ACTR3B: variants seen among roughly 807,000 people sequenced by gnomAD.
The protein encoded by ACTR3B is actin related protein 3B, also known as actin-related protein 3B.
ACTR3B carries 8 observed loss-of-function variants against 59.0 expected under a neutral mutation model. The ratio of observed to expected loss-of-function variants is 0.14; its 90% CI spans 0.08 to 0.24. The LOEUF is 0.24. Among genes scored for constraint, ACTR3B ranks in the 10% least tolerant of loss-of-function variants. The probability of loss-of-function intolerance (pLI) is 1.00; values close to 1 mark genes in which losing one functional copy is unlikely to be tolerated. For missense variants in ACTR3B, 245 were observed against 552.3 expected, an observed-to-expected ratio of 0.44 and a Z score of 5.58; for synonymous variants, 148 against 197.9, an observed-to-expected ratio of 0.75 and a Z score of 2.12.
intron 1 of ACTR3B, among the ~76,000 whole-genome samples, chr7:152,777,477 A>G (rs1281051525): frequency 6.6e-6 from 1 of 152,150 alleles, no homozygotes; most frequent in African/African-American, 2.4e-5. Context: ...TAAGGGTAAC[A>G]TTCTATTGCT....
chr7:152,798,690 G>A (rs1171767728), intron 2 of ACTR3B, among the ~76,000 whole-genome samples: 1 of 152,132 alleles, frequency 6.6e-6, no homozygotes. Context: ...AATCCATTTT[G>A]AGTTAATTTT....
At chr7:152,848,471 A>T (rs1014138173) in intron 9 of ACTR3B, among the ~76,000 whole-genome samples, 2 of 152,216 alleles carry the variant, frequency 1.3e-5, no homozygotes, top group Non-Finnish European at 2.9e-5. Flanking sequence ...TAGCAAAAGA[A>T]CAAAAAAACA....
At chr7:152,848,815 G>A (rs142277668) in intron 9 of ACTR3B, among the ~76,000 whole-genome samples, 12 of 152,286 alleles carry the variant, frequency 7.9e-5, no homozygotes, top group African/African-American at 2.4e-4. Context: ...CCCTGTTTAC[G>A]TGATTTCCAG....
intron 2 of ACTR3B, among the ~76,000 whole-genome samples, chr7:152,796,092 G>T (rs1297884304): frequency 3.3e-5 from 5 of 152,066 alleles, no homozygotes; most frequent in Non-Finnish European, 7.4e-5. Context: ...TGATCTACCC[G>T]CCTCGACCTC....
chr7:152,852,350 T>G, intron 10 of ACTR3B, 99 bp downstream of exon 10: 1 of 1,425,460 alleles, frequency 7.0e-7, no homozygotes, highest in Non-Finnish European at 9.3e-7. Context: ...CTGGGCCGCG[T>G]AAAATAAAAA....
intron 7 of ACTR3B, among the ~76,000 whole-genome samples, chr7:152,822,362 C>T (rs1179658311): frequency 6.6e-6 from 1 of 152,206 alleles, no homozygotes; most frequent in Non-Finnish European, 1.5e-5. Context: ...CTGGGGGTCA[C>T]CTGCTGCTAT....
At chr7:152,764,500 C>T (rs558418074) in intron 1 of ACTR3B, among the ~76,000 whole-genome samples, 16 of 151,748 alleles carry the variant, frequency 1.1e-4, no homozygotes, top group Non-Finnish European at 1.9e-4. Flanking sequence ...AAAAATTAGC[C>T]GGGCACACTG....
chr7:152,794,792 A>G (rs1004380556), intron 2 of ACTR3B, among the ~76,000 whole-genome samples: 7 of 152,032 alleles, frequency 4.6e-5, no homozygotes, highest in Admixed American at 2.0e-4. Context: ...CAAGATCTCC[A>G]ATGTCCTCTT....
Position 152,759,860 on chromosome 7 carries a change from G to A in ACTR3B, c.-23G>A. 3.1e-6 allele frequency: 4 copies of A among 1,292,574 alleles called. No individual in the cohort carries two copies. The highest frequency in any genetic ancestry group is 3.9e-6 in the Non-Finnish European group (4 of 1,013,014). The allele number at this position is 1,292,574 out of a possible 1,614,324, so 80.1% of individuals were successfully genotyped here. A position where few individuals can be genotyped will look rare whatever the true frequency, so the allele number is the denominator to read the frequency against. The stretch of plus-strand genomic sequence containing the variant: ...GGGGCGCTCTCGGGCTGCCGGCGGG[G>A]CCGAGCGCCGCGCGTCCCGAGCATG... On this transcript the variant is annotated 5_prime_UTR_variant, in exon 1 of 12. Transcript: ENST00000256001.
chr7:152,842,476 C>A lies in ACTR3B; in HGVS notation c.952-9650C>A, dbSNP rs190920277. On this transcript the variant is annotated intron_variant, in intron 9 of 11. Coordinates refer to ENST00000256001, the MANE Select transcript of ACTR3B (RefSeq NM_020445.6). ...TTATTTCTGGAATTTTCCATTTAAT[C>A]TTTTCAGACTGTGGCTGACCATGGG... 6.7e-3 allele frequency among the ~76,000 whole-genome samples: 1,017 copies of A among 152,326 alleles called. 2 individuals carry two copies. Among genetic ancestry groups the A allele is most frequent in the Admixed American group, 0.012 (189 of 15,302 alleles).
chr7:152,792,321 T>C (rs2098199273), intron 2 of ACTR3B, among the ~76,000 whole-genome samples: 1 of 152,238 alleles, frequency 6.6e-6, no homozygotes, highest in Non-Finnish European at 1.5e-5. Flanking sequence ...AAAATAATTA[T>C]GATCCATATT....
chr7:152,816,546 A>G lies in ACTR3B; in HGVS notation c.498A>G (p.Ile166Met), dbSNP rs376538866. The change falls in exon 6 of 12, where the codon ATA becomes ATG. Residue 166 changes from isoleucine (I) to methionine (M), a missense_variant. Ile to Met is a conservative substitution (Grantham distance 10). Coordinates refer to ENST00000256001, the MANE Select transcript of ACTR3B (RefSeq NM_020445.6). ...RQVGERTLTGIVIDSGDGVTH... is the reference protein window; with the variant it reads ...RQVGERTLTGMVIDSGDGVTH... ...TGGGTGAACGTACGTTAACGGGGAT[A>G]GTCATTGACAGCGGAGATGGAGTCA... 7 of 1,605,230 alleles carry G rather than the reference A, an allele frequency of 4.4e-6. No homozygotes were observed. Among genetic ancestry groups the G allele is most frequent in the Non-Finnish European group, 6.0e-6 (7 of 1,175,426 alleles).
At chr7:152,809,015 G>A (rs1196984707) in intron 4 of ACTR3B, among the ~76,000 whole-genome samples, 2 of 152,110 alleles carry the variant, frequency 1.3e-5, no homozygotes, top group African/African-American at 4.8e-5. Context: ...ATCTAAAGTA[G>A]TAATCGCTAA....
chr7:152,813,236 GTTCA>G (rs1387353058), intron 4 of ACTR3B: 2 of 122,630 alleles, frequency 1.6e-5, no homozygotes, highest in Non-Finnish European at 3.4e-5. Flanking sequence ...GGGGAGCACA[GTTCA>G]TTCATAATAA....
At chr7:152,761,348 G>A (rs963266726) in intron 1 of ACTR3B, among the ~76,000 whole-genome samples, 1 of 152,104 alleles carries the variant, frequency 6.6e-6, no homozygotes, top group Admixed American at 6.6e-5. Context: ...GTGGGTGAAA[G>A]TATTTTTCAT....
intron 2 of ACTR3B, among the ~76,000 whole-genome samples, chr7:152,787,823 A>T (rs2098179716): frequency 1.3e-5 from 2 of 149,778 alleles, no homozygotes; most frequent in African/African-American, 2.5e-5. Context: ...ATTCCTACTC[A>T]TTTTTTTTCT....
At chr7:152,789,021 CAA>C (rs1244593444) in intron 2 of ACTR3B, among the ~76,000 whole-genome samples, 1 of 79,408 alleles carries the variant, frequency 1.3e-5, no homozygotes, top group Non-Finnish European at 2.6e-5. Context: ...GACGCTGTCT[CAA>C]AACAACAACA....
intron 1 of ACTR3B, among the ~76,000 whole-genome samples, chr7:152,764,316 C>T (rs918515117): frequency 1.3e-5 from 2 of 152,060 alleles, no homozygotes; most frequent in Non-Finnish European, 2.9e-5. Flanking sequence ...CTTCCATGTT[C>T]TTTAGACATG....
chr7:152,775,767 A>G (rs2098134964), intron 1 of ACTR3B, among the ~76,000 whole-genome samples: 3 of 152,138 alleles, frequency 2.0e-5, no homozygotes, highest in Non-Finnish European at 4.4e-5. Flanking sequence ...CTCAAAAAAA[A>G]AAAAAATTGG....
Sources: gnomAD v4.1 joint callset for allele counts (sites outside exome capture counted in the v4.1 genomes callset) on GRCh38, gnomAD v4.1.1 for gene constraint, MANE v1.5 for transcripts, NCBI Gene and HGNC (gene_info 2026-07-23, HGNC 2026-07-21) for gene names.